The following MAST4 variants were observed in gnomAD, a reference collection of about 807,000 sequenced individuals.
MAST4 encodes microtubule associated serine/threonine kinase family member 4.
Under a neutral mutation model 162.7 loss-of-function variants are expected in MAST4, and 89 were observed. That is an observed-to-expected ratio of 0.55 (90% CI 0.46 to 0.65). The LOEUF is 0.65. Ranked by LOEUF, MAST4 falls within the 30% of genes least tolerant of loss-of-function variation. The pLI is 0.00. For synonymous variants in MAST4, 1,479 were observed against 1,361.1 expected (o/e 1.09, Z -1.91); for missense variants, 3,153 against 3,374.0 (o/e 0.93, Z 1.62).
intron 1 of MAST4, among the ~76,000 whole-genome samples, chr5:66,750,851 A>G (rs1223117911): frequency 2.6e-5 from 4 of 152,230 alleles, no homozygotes; most frequent in African/African-American, 4.8e-5. Context: ...CAGGGCACAG[A>G]CAAACAAAAA....
intron 3 of MAST4, among the ~76,000 whole-genome samples, chr5:66,855,782 G>A (rs949525573): frequency 2.6e-5 from 4 of 152,172 alleles, no homozygotes; most frequent in Non-Finnish European, 5.9e-5. Flanking sequence ...CCAGGGGAAT[G>A]GACTTTGTTT....
rs754220179 is a variant in MAST4 at position 66,759,793 on chromosome 5, A to C, written c.448A>C (p.Lys150Gln). The C allele has an allele frequency of 2.5e-6, 4 of 1,613,804 alleles. No individual in the cohort carries two copies. The highest frequency in any genetic ancestry group is 2.2e-5 in the South Asian group (2 of 91,074). The change falls in exon 2 of 29, where the codon AAG (lysine) becomes CAG (glutamine). Residue 150 changes from lysine (K) to glutamine (Q), a missense_variant. Lys to Gln is a moderately conservative substitution (Grantham distance 53, BLOSUM62 1). This residue lies in a region of MAST4 where 327 missense variants were observed against 336.5 expected (regional missense o/e 0.97). Coordinates refer to ENST00000403625, the MANE Select transcript of MAST4 (RefSeq NM_001164664.2). Reference sequence around the variant, plus strand: ...GGCTTCTGGCCCTGGAAAATCACTGAAGTATAAAAGACAGCTGAGTGAGGA... The same window carrying C: ...GGCTTCTGGCCCTGGAAAATCACTGCAGTATAAAAGACAGCTGAGTGAGGA... ...DVASGPGKSL[K>Q]YKRQLSEDGR... is the part of the protein sequence containing the mutation.
intron 1 of MAST4, among the ~76,000 whole-genome samples, chr5:66,710,289 G>A (rs570439173): frequency 2.9e-4 from 44 of 152,274 alleles, no homozygotes; most frequent in African/African-American, 9.6e-4. Flanking sequence ...AACTCTGCCC[G>A]CAATAGGCAG....
intron 5 of MAST4, among the ~76,000 whole-genome samples, chr5:67,069,585 C>T (rs549161159): frequency 2.6e-5 from 4 of 152,062 alleles, no homozygotes; most frequent in Admixed American, 6.6e-5. Context: ...TCTGGATATG[C>T]ACTCCGCATT....
At chr5:66,930,051 TAAAG>T (rs948795928) in intron 4 of MAST4, among the ~76,000 whole-genome samples, 8 of 152,156 alleles carry the variant, frequency 5.3e-5, no homozygotes, top group Admixed American at 3.3e-4. Flanking sequence ...TGTTCAGAAA[TAAAG>T]GCCAACCAAG....
intron 3 of MAST4, among the ~76,000 whole-genome samples, chr5:66,815,857 G>T (rs1427429813): frequency 6.6e-6 from 1 of 152,172 alleles, no homozygotes; most frequent in Non-Finnish European, 1.5e-5. Context: ...CTGTCCCAGA[G>T]GAGAGTGGTG....
chr5:66,948,379 G>C (rs1744278419), intron 4 of MAST4, among the ~76,000 whole-genome samples: 1 of 152,146 alleles, frequency 6.6e-6, no homozygotes, highest in Admixed American at 6.5e-5. Flanking sequence ...TATCATCAGA[G>C]ATTGCTCTTC....
intron 2 of MAST4, among the ~76,000 whole-genome samples, chr5:66,778,270 T>C (rs1754695527): frequency 6.6e-6 from 1 of 152,218 alleles, no homozygotes; most frequent in South Asian, 2.1e-4. Flanking sequence ...CCATTATTTA[T>C]TTTTTGATAA....
chr5:67,053,217 AAGC>A (rs1758394534), intron 4 of MAST4, among the ~76,000 whole-genome samples: 1 of 152,252 alleles, frequency 6.6e-6, no homozygotes, highest in Admixed American at 6.5e-5. Context: ...AAATGATAAT[AAGC>A]AGCAAACATC....
chr5:66,788,386 T>G (rs1216125955), intron 2 of MAST4, among the ~76,000 whole-genome samples: 1 of 152,196 alleles, frequency 6.6e-6, no homozygotes, highest in Non-Finnish European at 1.5e-5. Flanking sequence ...TCTCAACACA[T>G]TCCCTTGGTA....
intron 1 of MAST4, among the ~76,000 whole-genome samples, chr5:66,699,451 C>T (rs1336381896): frequency 6.6e-6 from 1 of 152,140 alleles, no homozygotes; most frequent in Non-Finnish European, 1.5e-5. Context: ...GCAGAAGTTC[C>T]AGAGGGATTT....
At chr5:67,100,662 T>G in intron 8 of MAST4, 70 bp downstream of exon 8, 2 of 1,585,500 alleles carry the variant, frequency 1.3e-6, no homozygotes, top group Non-Finnish European at 1.7e-6. Flanking sequence ...AGTGAACACT[T>G]CGGTCCTTTA....
At chr5:66,918,515 T>C (rs1764263424) in intron 4 of MAST4, among the ~76,000 whole-genome samples, 1 of 152,222 alleles carries the variant, frequency 6.6e-6, no homozygotes. Context: ...ATTAACTTAA[T>C]TGTTTTTACT....
chr5:66,924,456 C>T (rs556958558), intron 4 of MAST4, among the ~76,000 whole-genome samples: 59 of 146,414 alleles, frequency 4.0e-4, no homozygotes, highest in African/African-American at 1.4e-3. Flanking sequence ...TGCAGTGGCG[C>T]GATCTCGGCT....
intron 3 of MAST4, among the ~76,000 whole-genome samples, chr5:66,850,258 C>T (rs1194875799): frequency 6.6e-6 from 1 of 152,176 alleles, no homozygotes; most frequent in African/African-American, 2.4e-5. Flanking sequence ...TTTAATCTAG[C>T]TTCATTACTT....
intron 3 of MAST4, among the ~76,000 whole-genome samples, chr5:66,886,572 AAGTG>A (rs1762051859): frequency 6.6e-6 from 1 of 151,606 alleles, no homozygotes; most frequent in Non-Finnish European, 1.5e-5. Flanking sequence ...ATTCTGAAGA[AAGTG>A]AGTCCAGAAT....
At chr5:66,874,967 GATATA>G (rs1419985217) in intron 3 of MAST4, among the ~76,000 whole-genome samples, 12 of 152,262 alleles carry the variant, frequency 7.9e-5, no homozygotes, top group Middle Eastern at 3.4e-3. Flanking sequence ...TTGCATAGAT[GATATA>G]ATATAAAGGT....
chr5:67,063,386 G>A (rs1015551269), intron 5 of MAST4, among the ~76,000 whole-genome samples: 1 of 152,092 alleles, frequency 6.6e-6, no homozygotes, highest in Non-Finnish European at 1.5e-5. Context: ...CATCTGCCCT[G>A]TGCCCTTCAT....
chr5:66,894,732 G>C (rs1465171348), intron 3 of MAST4, among the ~76,000 whole-genome samples: 1 of 152,194 alleles, frequency 6.6e-6, no homozygotes, highest in African/African-American at 2.4e-5. Context: ...TTGCCACTCT[G>C]TTTCTATGTG....
Sources: allele counts gnomAD v4.1 joint callset (sites outside exome capture counted in the v4.1 genomes callset), GRCh38; gene constraint gnomAD v4.1.1; regional missense constraint gnomAD v4.1.1; transcripts MANE v1.5; gene names NCBI Gene and HGNC (gene_info 2026-07-23, HGNC 2026-07-21).